OSBPL7: variants seen among roughly 807,000 people sequenced by gnomAD.
The protein encoded by OSBPL7 is oxysterol binding protein like 7.
A neutral mutation model predicts 115.8 loss-of-function variants in OSBPL7; 66 were observed. The ratio of observed to expected loss-of-function variants is 0.57; its 90% CI spans 0.47 to 0.70. OSBPL7 has a LOEUF of 0.70. Ranked by LOEUF, OSBPL7 falls within the 30% of genes least tolerant of loss-of-function variation. The probability of loss-of-function intolerance (pLI) is 0.00; values close to 1 mark genes in which losing one functional copy is unlikely to be tolerated. For missense variants in OSBPL7, 902 were observed against 1,125.5 expected, an observed-to-expected ratio of 0.80 and a Z score of 2.84; for synonymous variants, 441 against 439.2, an observed-to-expected ratio of 1.00 and a Z score of -0.05.
intron 16 of OSBPL7, 123 bp from the exon 17 acceptor site, chr17:47,810,958 T>TCAAG: frequency 4.3e-6 from 4 of 927,074 alleles, no homozygotes; most frequent in Non-Finnish European, 6.6e-6. Flanking sequence ...AGGTTTCCTG[T>TCAAG]CCCTATCACC....
rs140092933 is a variant in OSBPL7, at chr17:47,820,236, C to G, written c.43G>C (p.Ala15Pro). ...ERDPPFLPES[A>P]QSSKPSSAQQ... ...GCACTGCTGGGCTTTGAGGACTGAGCGCTCTCAGGCAGGAAGGGCGGGTCC... is the reference window on the plus strand; with the variant it reads ...GCACTGCTGGGCTTTGAGGACTGAGGGCTCTCAGGCAGGAAGGGCGGGTCC... Residue 15 changes from alanine (A) to proline (P), a missense_variant, in exon 2 of 23, where the codon GCT (alanine) becomes CCT (proline). Physicochemically the swap from Ala to Pro is conservative, Grantham distance 27. This residue lies in a region of OSBPL7 where 667 missense variants were observed against 788.7 expected (regional missense o/e 0.85). Transcript: ENST00000007414. 1 of 1,613,926 alleles carries G rather than the reference C, an allele frequency of 6.2e-7. No individual in the cohort carries two copies. The highest frequency in any genetic ancestry group is 8.5e-7 in the Non-Finnish European group (1 of 1,179,950).
At chr17:47,818,735 T>C (rs1166095795) in intron 5 of OSBPL7, 119 bp from the exon 6 acceptor site, 5 of 942,688 alleles carry the variant, frequency 5.3e-6, no homozygotes, top group Non-Finnish European at 7.9e-6. Flanking sequence ...GCCTGGTTTG[T>C]GCAAGGCTCA....
intron 4 of OSBPL7, 91 bp downstream of exon 4, chr17:47,819,638 C>T (rs763706580): frequency 5.4e-6 from 8 of 1,488,492 alleles, no homozygotes; most frequent in African/African-American, 4.1e-5. Flanking sequence ...GATTCAGACC[C>T]TGCTCTGGTC....
At chr17:47,821,401 G>A (rs2033390773) in intron 1 of OSBPL7, among the ~76,000 whole-genome samples, 1 of 152,226 alleles carries the variant, frequency 6.6e-6, no homozygotes, top group Non-Finnish European at 1.5e-5. Context: ...GCTGACCTGG[G>A]AGGAAACTCC....
chr17:47,819,920 T>TA, intron 3 of OSBPL7, 51 bp downstream of exon 3: 6 of 642,028 alleles, frequency 9.3e-6, no homozygotes, highest in Non-Finnish European at 1.5e-5. Flanking sequence ...CTGCCCCCCA[T>TA]TCCCACCCCG....
chr17:47,818,445 C>G, intron 6 of OSBPL7, 59 bp from the exon 7 acceptor site: 5 of 1,589,054 alleles, frequency 3.1e-6, no homozygotes, highest in Non-Finnish European at 4.3e-6. Flanking sequence ...TCTCACAGTT[C>G]TCCATAGCCC....
Position 47,821,674 on chromosome 17 carries a change from C to G in OSBPL7, c.-96G>C, listed in dbSNP as rs1168817876. 1 of 152,414 alleles carries G rather than the reference C, an allele frequency of 6.6e-6. No homozygotes were observed. The highest frequency in any genetic ancestry group is 1.9e-4 in the East Asian group (1 of 5,206). 9.4% of individuals were successfully genotyped at this position (152,414 alleles called of 1,614,324 possible). A position where few individuals can be genotyped will look rare whatever the true frequency, so the allele number is the denominator to read the frequency against. ...CCACGCAGCCCCCTTACCCCAGGGT[C>G]CATGGACGCCAGTACTCCTTGGCCC... On this transcript the variant is annotated 5_prime_UTR_variant, in exon 1 of 23. Coordinates refer to ENST00000007414, the MANE Select transcript of OSBPL7 (RefSeq NM_145798.3).
rs117067223 is a variant in OSBPL7 at position 47,814,053 on chromosome 17, G to A, written c.1352-219C>T. Reference sequence around the variant, plus strand: ...CTGGCAGGGGTGGGAGCCATGCAAAGGGGCAGACAGTTCCCACTGCCAGAA... The same window carrying A: ...CTGGCAGGGGTGGGAGCCATGCAAAAGGGCAGACAGTTCCCACTGCCAGAA... On this transcript the variant is annotated intron_variant, in intron 14 of 22. Coordinates refer to ENST00000007414, the MANE Select transcript of OSBPL7 (RefSeq NM_145798.3). Among the ~76,000 whole-genome samples, 1,227 of 152,316 alleles carry A rather than the reference G, an allele frequency of 8.1e-3. 7 individuals carry two copies. Among genetic ancestry groups the A allele is most frequent in the Non-Finnish European group, 0.012 (838 of 68,006 alleles).
Position 47,808,940 on chromosome 17 carries a change from A to G in OSBPL7, c.2221T>C (p.Leu741=), listed in dbSNP as rs1160931281. The change falls in exon 21 of 23, where the codon TTG becomes CTG. Residue 741 remains leucine (L), a synonymous_variant. Coordinates refer to ENST00000007414, the MANE Select transcript of OSBPL7 (RefSeq NM_145798.3). The surrounding 1 kb of genome is among the most constrained non-coding windows in gnomAD (Gnocchi z 6.1). ...TCTGCTGTCAGCTCATTCAGCTCCA[A>G]GGCAAACTGGGTGAAGCCGAAGTTT... ...ERNFGFTQFA[L]ELNELTAELK... 4 of 1,614,100 alleles carry G rather than the reference A, an allele frequency of 2.5e-6. No homozygotes were observed. The highest frequency in any genetic ancestry group is 3.4e-6 in the Non-Finnish European group (4 of 1,179,996).
chr17:47,819,822 A>C, intron 3 of OSBPL7, 40 bp from the exon 4 acceptor site: 1 of 1,613,696 alleles, frequency 6.2e-7, no homozygotes, highest in East Asian at 2.2e-5. Flanking sequence ...CGGGAGGCCG[A>C]GAGGAAGGGC....
In OSBPL7 at chr17:47,813,417, G is replaced by A. The variant is rs200472749; in HGVS notation, c.1600-14C>T. ...TGCGATGTACACCTGTGGGGGGCAA[G>A]GAAGGTGCAGGGTACTGAGGACGGG... On this transcript the variant is annotated splice_polypyrimidine_tract_variant and intron_variant, in intron 15 of 22. Coordinates refer to ENST00000007414, the MANE Select transcript of OSBPL7 (RefSeq NM_145798.3). The A allele has an allele frequency of 4.2e-5, 67 of 1,613,762 alleles. No individual in the cohort carries two copies. The highest frequency in any genetic ancestry group is 4.7e-5 in the Non-Finnish European group (55 of 1,179,992).
intron 17 of OSBPL7, 24 bp downstream of exon 17, chr17:47,810,748 C>G: frequency 1.2e-6 from 2 of 1,613,778 alleles, no homozygotes; most frequent in Non-Finnish European, 1.7e-6. Context: ...CAGGGCCACC[C>G]CGGCCCTGCC....
Position 47,818,295 on chromosome 17 carries a change from C to T in OSBPL7, c.572G>A (p.Ser191Asn), listed in dbSNP as rs1251978702. The T allele has an allele frequency of 2.5e-6, 4 of 1,614,092 alleles. No homozygotes were observed. The South Asian group carries it at 4.4e-5, about 18-fold the overall frequency. Residue 191 changes from serine to asparagine, a missense_variant, in exon 7 of 23, where the codon AGT becomes AAT. Ser to Asn is a conservative substitution (Grantham distance 46). Transcript: ENST00000007414. ...ATGAGAGCAGCGGTCCAGCCCATCA[C>T]TGTCCCTCAGCCAGGAAGACACTTT... is the stretch of plus-strand genomic sequence containing the variant. ...REKVSSWLRD[S>N]DGLDRCSHEL...
intron 4 of OSBPL7, chr17:47,819,523 C>T: frequency 1.6e-6 from 1 of 638,274 alleles, no homozygotes; most frequent in Admixed American, 2.8e-5. Flanking sequence ...CTTACCATGA[C>T]AGCTCTGCAC....
In OSBPL7 at chr17:47,818,622, G is replaced by C; in HGVS notation, c.370-6C>G. ...AATAGGTCCTGGGATTTGATCTGCA[G>C]AAGTGATGGAGAGGGGGAGGGCTAT... is the stretch of plus-strand genomic sequence containing the variant. On this transcript the variant is annotated splice_polypyrimidine_tract_variant and splice_region_variant and intron_variant, in intron 5 of 22. Transcript: ENST00000007414. The C allele has an allele frequency of 6.2e-7, 1 of 1,610,508 alleles. No homozygotes were observed. Among genetic ancestry groups the C allele is most frequent in the African/African-American group, 1.3e-5 (1 of 75,012 alleles).
At position 47,816,084 on chromosome 17, in the gene OSBPL7, C is replaced by T; in HGVS notation, c.1119+23G>A. On this transcript the variant is annotated intron_variant, in intron 12 of 22. Coordinates refer to ENST00000007414, the MANE Select transcript of OSBPL7 (RefSeq NM_145798.3). This position sits in a 1 kb window ranked among gnomAD's most constrained non-coding sequence, Gnocchi z 5.8. ...GAGAAGGCACAGGAGAATCGGCCCC[C>T]ACAGCCCACCCTGGCTCCTCACCTC... is the stretch of plus-strand genomic sequence containing the variant. 1 of 1,538,270 alleles carries T rather than the reference C, an allele frequency of 6.5e-7. No homozygotes were observed. Among genetic ancestry groups the T allele is most frequent in the Non-Finnish European group, 8.8e-7 (1 of 1,139,314 alleles).
Position 47,820,069 on chromosome 17 carries a change from C to G in OSBPL7, c.103G>C (p.Glu35Gln). 1 of 1,612,686 alleles carries G rather than the reference C, an allele frequency of 6.2e-7. No individual in the cohort carries two copies. The highest frequency in any genetic ancestry group is 1.6e-4 in the Middle Eastern group (1 of 6,062). The change falls in exon 3 of 23, where the codon GAG (glutamate) becomes CAG (glutamine). Residue 35 changes from glutamate (E) to glutamine (Q), a missense_variant. By Grantham distance (29) the Glu-to-Gln change is conservative. Around this residue, in one of 3 missense-constraint regions of OSBPL7, gnomAD observed 667 missense variants for 788.7 expected, o/e 0.85. Transcript: ENST00000007414. ...QASELWEVVEEPRVRLGTEGV... is the reference protein window; with the variant it reads ...QASELWEVVEQPRVRLGTEGV... Reference sequence around the variant, plus strand: ...TCTGTCCCCAGCCTGACCCGAGGCTCCTCCACCACCTCCCACAGCTCAGAG... The same window carrying G: ...TCTGTCCCCAGCCTGACCCGAGGCTGCTCCACCACCTCCCACAGCTCAGAG...
intron 1 of OSBPL7, 180 bp from the exon 2 acceptor site, chr17:47,820,545 C>G (rs1802657215): frequency 2.2e-6 from 1 of 457,676 alleles, no homozygotes; most frequent in Non-Finnish European, 4.0e-6. Context: ...ATGGACACTG[C>G]CCTGAGAGTG....
intron 7 of OSBPL7, 88 bp downstream of exon 7, chr17:47,818,181 T>C (rs1192612635): frequency 6.7e-6 from 8 of 1,194,050 alleles, no homozygotes; most frequent in Non-Finnish European, 8.3e-6. Context: ...TGGGGCTCCC[T>C]GAGGCAGGGA....
Sources: allele counts gnomAD v4.1 joint callset (sites outside exome capture counted in the v4.1 genomes callset), GRCh38; gene constraint gnomAD v4.1.1; regional missense constraint gnomAD v4.1.1; non-coding constraint Gnocchi (gnomAD v3.1); transcripts MANE v1.5; gene names NCBI Gene and HGNC (gene_info 2026-07-23, HGNC 2026-07-21).